OPHN1: variants seen among roughly 807,000 people sequenced by gnomAD.
OPHN1 encodes oligophrenin 1.
Under a neutral mutation model 60.7 loss-of-function variants are expected in OPHN1, and 11 were observed. The ratio of observed to expected loss-of-function variants is 0.18; its 90% confidence interval spans 0.11 to 0.30. The LOEUF (loss-of-function observed/expected upper bound fraction) is 0.30. Ranked by LOEUF, OPHN1 falls within the 10% of genes least tolerant of loss-of-function variation. The pLI, the probability that OPHN1 is intolerant of heterozygous loss-of-function variation, is 1.00. For synonymous variants in OPHN1, 226 were observed against 222.6 expected (o/e 1.02, Z -0.14); for missense variants, 449 against 611.0 (o/e 0.73, Z 2.80).
intron 2 of OPHN1, among the ~76,000 whole-genome samples, chrX:68,377,970 G>A (rs1483680380): frequency 9.0e-6 from 1 of 111,706 alleles, no homozygotes. Flanking sequence ...TGGGTCAAAT[G>A]GTATTTCTAG....
At chrX:68,255,846 C>A (rs999144560) in intron 5 of OPHN1, among the ~76,000 whole-genome samples, 2 of 111,276 alleles carry the variant, frequency 1.8e-5, no homozygotes, top group African/African-American at 3.3e-5. Flanking sequence ...CTAACTGACT[C>A]ATTCAATCAC....
At chrX:68,415,269 T>C (rs1339113746) in intron 2 of OPHN1, among the ~76,000 whole-genome samples, 2 of 112,172 alleles carry the variant, frequency 1.8e-5, no homozygotes, top group South Asian at 3.7e-4. Context: ...TAACATGAGA[T>C]AGAAACTTAT....
intron 23 of OPHN1, 112 bp from the exon 24 acceptor site, chrX:68,048,569 T>C: frequency 3.2e-6 from 2 of 634,861 alleles, no homozygotes; most frequent in South Asian, 4.8e-5. Flanking sequence ...ATTTGAAAAA[T>C]GGAGAAGTGA....
intron 2 of OPHN1, among the ~76,000 whole-genome samples, chrX:68,405,486 T>C (rs952285487): frequency 8.9e-6 from 1 of 111,830 alleles, no homozygotes; most frequent in African/African-American, 3.3e-5. Context: ...CTACCATGCC[T>C]GGCCCATTAT....
intron 15 of OPHN1, among the ~76,000 whole-genome samples, chrX:68,139,157 A>G (rs931337801): frequency 5.4e-5 from 6 of 111,899 alleles, no homozygotes; most frequent in Admixed American, 9.5e-5. Flanking sequence ...GAGGGGAGCT[A>G]TAGATTAAAA....
At chrX:68,387,958 G>A (rs1444729383) in intron 2 of OPHN1, among the ~76,000 whole-genome samples, 1 of 110,155 alleles carries the variant, frequency 9.1e-6, no homozygotes, top group African/African-American at 3.3e-5. Context: ...CGGAGAAAAT[G>A]TGTGATGGGC....
At chrX:68,279,101 CT>C (rs984725368) in intron 4 of OPHN1, among the ~76,000 whole-genome samples, 568 of 21,732 alleles carry the variant, frequency 0.026, 1 homozygote, top group African/African-American at 0.049. Flanking sequence ...CTCCCCCGCT[CT>C]TTTTTTTTTT....
chrX:68,063,971 C>A lies in OPHN1; in HGVS notation c.2041G>T (p.Gly681Trp). 8.3e-7 allele frequency: 1 copy of A among 1,210,001 alleles called. No homozygotes were observed. Among genetic ancestry groups the A allele is most frequent in the Non-Finnish European group, 1.1e-6 (1 of 894,843 alleles). The change falls in exon 21 of 25, where the codon GGG becomes TGG. Residue 681 changes from glycine (G) to tryptophan (W), a missense_variant. Gly to Trp is a radical substitution (Grantham distance 184). Coordinates refer to ENST00000355520, the MANE Select transcript of OPHN1 (RefSeq NM_002547.3). ...GTGGCCTTTGGGGTGATCTTGGTCC[C>A]TCCATCCTGCAGCCTAGACACCAAC... ...GKLVSRLQDG[G>W]TKITPKATNG... is the part of the protein sequence containing the mutation.
chrX:68,235,851 C>G (rs994015429), intron 5 of OPHN1, among the ~76,000 whole-genome samples: 5 of 108,676 alleles, frequency 4.6e-5, no homozygotes, highest in African/African-American at 1.7e-4. Flanking sequence ...GAGCAAGACT[C>G]TGTTTCAGGC....
chrX:68,432,675 G>C (rs766170801), intron 2 of OPHN1, among the ~76,000 whole-genome samples, 192 bp downstream of exon 2: 31 of 111,746 alleles, frequency 2.8e-4, no homozygotes, highest in African/African-American at 9.7e-4. Flanking sequence ...TAAAGGAAAA[G>C]GCCCAAAGTT....
chrX:68,154,864 C>CAA (rs1164102530), intron 15 of OPHN1, among the ~76,000 whole-genome samples: 1 of 93,250 alleles, frequency 1.1e-5, no homozygotes, highest in Non-Finnish European at 2.0e-5. Flanking sequence ...GTACACACCA[C>CAA]ACACACACAC....
At chrX:68,359,167 T>G (rs2078457483) in intron 2 of OPHN1, among the ~76,000 whole-genome samples, 1 of 112,126 alleles carries the variant, frequency 8.9e-6, no homozygotes, top group African/African-American at 3.2e-5. Flanking sequence ...GATGAACTAT[T>G]TTTCATACCT....
At chrX:68,057,901 A>G (rs1349937866) in intron 21 of OPHN1, among the ~76,000 whole-genome samples, 1 of 111,682 alleles carries the variant, frequency 9.0e-6, no homozygotes, top group East Asian at 2.8e-4. Flanking sequence ...CCAGTATAAC[A>G]TGGGGATTGG....
At chrX:68,247,060 C>A (rs2077809746) in intron 5 of OPHN1, among the ~76,000 whole-genome samples, 1 of 111,539 alleles carries the variant, frequency 9.0e-6, no homozygotes, top group East Asian at 2.9e-4. Context: ...TGAAAACTTT[C>A]TTTGTACAAG....
intron 6 of OPHN1, among the ~76,000 whole-genome samples, chrX:68,215,173 G>A (rs2077602620): frequency 9.0e-6 from 1 of 111,098 alleles, no homozygotes; most frequent in Non-Finnish European, 1.9e-5. Context: ...CACTGTAGCA[G>A]AAATGAAGAC....
intron 2 of OPHN1, among the ~76,000 whole-genome samples, chrX:68,327,809 A>T (rs1369295281): frequency 6.3e-4 from 66 of 104,078 alleles, no homozygotes; most frequent in East Asian, 1.1e-3. Flanking sequence ...AAAAAAAAAA[A>T]AAAAAAAATT....
chrX:68,170,583 C>T (rs1009460897), intron 15 of OPHN1, among the ~76,000 whole-genome samples: 10 of 110,130 alleles, frequency 9.1e-5, no homozygotes, highest in African/African-American at 2.7e-4. Flanking sequence ...ACATATACAC[C>T]GTGGAATACT....
intron 2 of OPHN1, among the ~76,000 whole-genome samples, chrX:68,414,720 T>C (rs1364921984): frequency 9.0e-6 from 1 of 111,493 alleles, no homozygotes; most frequent in Non-Finnish European, 1.9e-5. Flanking sequence ...AAATAGGGAA[T>C]TCAAACCCAG....
chrX:68,415,749 C>T (rs900871911), intron 2 of OPHN1, among the ~76,000 whole-genome samples: 69 of 110,808 alleles, frequency 6.2e-4, no homozygotes, highest in African/African-American at 2.1e-3. Context: ...GTGTGGTGGC[C>T]CATGCCTGTA....
Sources: allele counts gnomAD v4.1 joint callset (sites outside exome capture counted in the v4.1 genomes callset), GRCh38; gene constraint gnomAD v4.1.1; transcripts MANE v1.5; gene names NCBI Gene and HGNC (gene_info 2026-07-23, HGNC 2026-07-21).